The following ADGRE3 variants were observed in gnomAD, a reference collection of about 807,000 sequenced individuals.
The protein encoded by ADGRE3 is adhesion G protein-coupled receptor E3, also known as EGF-like module receptor 3.
A neutral mutation model predicts 80.1 loss-of-function variants in ADGRE3; 88 were observed. The ratio of observed to expected loss-of-function variants is 1.10; its 90% CI spans 0.93 to 1.31. ADGRE3 has a LOEUF of 1.31. Among genes scored for constraint, ADGRE3 ranks in the 40% most tolerant of loss-of-function variants. The pLI is 0.00. For synonymous variants in ADGRE3, 281 were observed against 294.8 expected, an observed-to-expected ratio of 0.95 and a Z score of 0.48; for missense variants, 715 against 776.5, an observed-to-expected ratio of 0.92 and a Z score of 0.94.
intron 6 of ADGRE3, 118 bp from the exon 7 acceptor site, chr19:14,651,322 G>A (rs1465627709): frequency 2.6e-6 from 3 of 1,136,980 alleles, no homozygotes; most frequent in Non-Finnish European, 3.8e-6. Flanking sequence ...GGCTGAGGCA[G>A]AAGGATTGCT....
chr19:14,637,702 A>AT (rs528563266), intron 11 of ADGRE3, among the ~76,000 whole-genome samples: 3 of 151,520 alleles, frequency 2.0e-5, no homozygotes, highest in African/African-American at 7.3e-5. Flanking sequence ...TGCTCAGCTA[A>AT]TTTTTTGTAG....
the ADGRE3 span, among the ~76,000 whole-genome samples, chr19:14,611,371 CTTTTTTT>C: frequency 2.6e-5 from 2 of 75,972 alleles, no homozygotes; most frequent in African/African-American, 4.9e-5. Flanking sequence ...AACTTCTATC[CTTTTTTT>C]TTTTTTTTTT....
chr19:14,620,548 T>TAATATATATA lies in ADGRE3; in HGVS notation c.1921-1078_1921-1077insTATATATATT. ...TGAATATATATATTTTATATATATA[T>TAATATATATA]TATATATATATATATATATATTTTT... On this transcript the variant is annotated intron_variant, in intron 15 of 15. Coordinates refer to ENST00000253673, the MANE Select transcript of ADGRE3 (RefSeq NM_032571.5). 2.2e-3 allele frequency among the ~76,000 whole-genome samples: 56 copies of TAATATATATA among 24,956 alleles called. 3 individuals carry two copies. The highest frequency in any genetic ancestry group is 6.0e-3 in the African/African-American group (28 of 4,652). The allele number at this position is 24,956 out of a possible 152,430, so 16.4% of individuals were successfully genotyped here. A position where few individuals can be genotyped will look rare whatever the true frequency, so the allele number is the denominator to read the frequency against.
intron 14 of ADGRE3, chr19:14,628,744 CCAGT>C (rs1469616060): frequency 8.8e-6 from 3 of 340,450 alleles, no homozygotes; most frequent in Non-Finnish European, 1.2e-5. Context: ...CTGCAGACAG[CCAGT>C]GTTACAAGGA....
At chr19:14,610,278 CT>C in the ADGRE3 span, 2 of 1,518,586 alleles carry the variant, frequency 1.3e-6, no homozygotes, top group Non-Finnish European at 1.8e-6. Flanking sequence ...ACGGCCTTGC[CT>C]CTTCGTGAGT....
chr19:14,650,681 C>T (rs1210828214), intron 7 of ADGRE3, among the ~76,000 whole-genome samples: 3 of 146,576 alleles, frequency 2.0e-5, no homozygotes, highest in East Asian at 4.0e-4. Context: ...CTCTCTCTCT[C>T]TCCCCTCTTC....
Position 14,663,466 on chromosome 19 carries a change from A to AAGT in ADGRE3, c.148_150dup (p.Thr50dup). 1 of 1,613,314 alleles carries AAGT rather than the reference A, an allele frequency of 6.2e-7. No individual in the cohort carries two copies. On this transcript the variant is annotated inframe_insertion, in exon 3 of 16. Transcript: ENST00000253673. ...GTGAATAGTTTCTGCCCAGATCCAG[A>AAGT]AGTATATCCATGGTTGCAGGTGCAG...
chr19:14,664,730 T>A (rs958283783), intron 2 of ADGRE3, among the ~76,000 whole-genome samples: 1 of 151,646 alleles, frequency 6.6e-6, no homozygotes, highest in East Asian at 1.9e-4. Flanking sequence ...GACAAAAAAA[T>A]TTGAATTTGT....
chr19:14,616,361 G>T (rs552067967), downstream of ADGRE3, among the ~76,000 whole-genome samples: 12 of 152,096 alleles, frequency 7.9e-5, no homozygotes, highest in African/African-American at 2.6e-4. Context: ...CTCAGAGTTT[G>T]CTTTTGGGAG....
intron 9 of ADGRE3, among the ~76,000 whole-genome samples, chr19:14,641,823 G>A (rs1971260794): frequency 6.6e-6 from 1 of 152,200 alleles, no homozygotes; most frequent in African/African-American, 2.4e-5. Flanking sequence ...GACTGCCAAT[G>A]TAGATTGTTA....
At chr19:14,650,061 C>T (rs1971544087) in intron 7 of ADGRE3, among the ~76,000 whole-genome samples, 1 of 147,898 alleles carries the variant, frequency 6.8e-6, no homozygotes, top group South Asian at 2.2e-4. Context: ...TCTCTCTCCC[C>T]ATCTCTTGCT....
rs148592570 is a variant in ADGRE3 at position 14,648,513 on chromosome 19, T to C, written c.698-1148A>G. On this transcript the variant is annotated intron_variant, in intron 7 of 15. Coordinates refer to ENST00000253673, the MANE Select transcript of ADGRE3 (RefSeq NM_032571.5). ...GCTGCTCACTCAGGTACCTACCTCA[T>C]TGGCTGCCTTTACTTGCCTGTCTTA... 1.5e-3 allele frequency among the ~76,000 whole-genome samples: 225 copies of C among 152,296 alleles called. 1 individual carries two copies. The highest frequency in any genetic ancestry group is 2.6e-3 in the Non-Finnish European group (174 of 68,018).
chr19:14,653,641 C>T (rs963787529), intron 6 of ADGRE3, among the ~76,000 whole-genome samples: 1 of 151,986 alleles, frequency 6.6e-6, no homozygotes, highest in Non-Finnish European at 1.5e-5. Flanking sequence ...GGTGCAATCT[C>T]AGCTCACTGC....
chr19:14,633,713 T>A (rs149988201), intron 11 of ADGRE3, among the ~76,000 whole-genome samples: 6,724 of 87,826 alleles, frequency 0.077, 381 homozygotes, highest in African/African-American at 0.18. Context: ...TCAAAAAAAA[T>A]AAAATAAAAT....
chr19:14,651,183 G>A lies in ADGRE3; in HGVS notation c.599C>T (p.Thr200Ile), dbSNP rs1473337623. 2 of 1,614,030 alleles carry A rather than the reference G, an allele frequency of 1.2e-6. No individual in the cohort carries two copies. The highest frequency in any genetic ancestry group is 1.7e-4 in the Middle Eastern group (1 of 6,060). ...CTTTCTTTCTTCAGAGCAATTGTCTGTAATCGCTTGAGTTTCAATAGCTGG... is the reference window on the plus strand; with the variant it reads ...CTTTCTTTCTTCAGAGCAATTGTCTATAATCGCTTGAGTTTCAATAGCTGG... ...DSVAIETQAI[T>I]DNCSEERKTF... is the part of the protein sequence containing the mutation. The change falls in exon 7 of 16, where the codon ACA (threonine) becomes ATA (isoleucine). Residue 200 changes from threonine (T) to isoleucine (I), a missense_variant. Physicochemically the swap from Thr to Ile is moderately conservative, Grantham distance 89. Transcript: ENST00000253673.
chr19:14,612,596 A>G, the ADGRE3 span, among the ~76,000 whole-genome samples: 1,148 of 152,206 alleles, frequency 7.5e-3, 12 homozygotes, highest in African/African-American at 0.026. Context: ...TGGTCCCCCA[A>G]AGTGCTGGGA....
intron 15 of ADGRE3, among the ~76,000 whole-genome samples, chr19:14,620,536 T>TTATATATA (rs1970543978): frequency 2.7e-5 from 1 of 37,278 alleles, no homozygotes; most frequent in African/African-American, 1.5e-4. Flanking sequence ...ATATATATAT[T>TTATATATA]TTATATATAT....
chr19:14,674,823 C>T lies in ADGRE3; in HGVS notation c.-53G>A. 1 of 1,592,068 alleles carries T rather than the reference C, an allele frequency of 6.3e-7. No homozygotes were observed. The highest frequency in any genetic ancestry group is 8.6e-7 in the Non-Finnish European group (1 of 1,167,034). Reference sequence around the variant, plus strand: ...CCAGCCCTGGAAGCTCTCTACTGTGCCGTAAGCCAACCACCTTTCCTAGCT... The same window carrying T: ...CCAGCCCTGGAAGCTCTCTACTGTGTCGTAAGCCAACCACCTTTCCTAGCT... On this transcript the variant is annotated 5_prime_UTR_variant, in exon 1 of 16. Coordinates refer to ENST00000253673, the MANE Select transcript of ADGRE3 (RefSeq NM_032571.5).
intron 7 of ADGRE3, among the ~76,000 whole-genome samples, chr19:14,650,035 C>T (rs1971542061): frequency 1.3e-5 from 2 of 149,394 alleles, no homozygotes; most frequent in South Asian, 4.3e-4. Context: ...TCTCTCTCCC[C>T]ATCCCTCTCT....
Sources: gnomAD v4.1 joint callset for allele counts (sites outside exome capture counted in the v4.1 genomes callset) on GRCh38, gnomAD v4.1.1 for gene constraint, MANE v1.5 for transcripts, NCBI Gene and HGNC (gene_info 2026-07-23, HGNC 2026-07-21) for gene names.